RAB32: variants seen among roughly 807,000 people sequenced by gnomAD.
RAB32 encodes RAB32, member RAS oncogene family, also known as ras-related protein Rab-32.
In RAB32, 17 loss-of-function variants were observed where a neutral mutation model predicts 17.5. That is an observed-to-expected ratio of 0.97 (90% CI 0.67 to 1.46). The LOEUF is 1.46. Among genes scored for constraint, RAB32 ranks in the 40% most tolerant of loss-of-function variants. RAB32 has a pLI of 0.00. For missense variants in RAB32, 288 were observed against 284.3 expected, an observed-to-expected ratio of 1.01 and a Z score of -0.09; for synonymous variants, 115 against 111.1, an observed-to-expected ratio of 1.04 and a Z score of -0.22.
intron 1 of RAB32, among the ~76,000 whole-genome samples, chr6:146,547,206 C>T (rs913923742): frequency 6.6e-6 from 1 of 152,070 alleles, no homozygotes; most frequent in Non-Finnish European, 1.5e-5. Context: ...CCTTTTAATG[C>T]TCAGTGTAGG....
In RAB32 at chr6:146,543,984, A is replaced by G. The variant is rs765113474; in HGVS notation, c.113A>G (p.Lys38Arg). ...VLVIGELGVGKTSIIKRYVHQ... is the reference protein window; with the variant it reads ...VLVIGELGVGRTSIIKRYVHQ... ...GTGATCGGCGAGCTTGGCGTGGGCA[A>G]GACCAGCATCATCAAGCGCTACGTC... is the stretch of plus-strand genomic sequence containing the variant. The change falls in exon 1 of 3, where the codon AAG becomes AGG. Residue 38 changes from lysine to arginine, a missense_variant. Coordinates refer to ENST00000367495, the MANE Select transcript of RAB32 (RefSeq NM_006834.5). The G allele has an allele frequency of 1.9e-6, 3 of 1,613,668 alleles. No homozygotes were observed. The highest frequency in any genetic ancestry group is 1.7e-6 in the Non-Finnish European group (2 of 1,179,860).
intron 1 of RAB32, among the ~76,000 whole-genome samples, chr6:146,545,230 T>C (rs1382201628): frequency 6.6e-6 from 1 of 151,426 alleles, no homozygotes; most frequent in Non-Finnish European, 1.5e-5. Flanking sequence ...GTGTTCTCAC[T>C]GCTGTACTCC....
chr6:146,543,844 C>G lies in RAB32; in HGVS notation c.-28C>G, dbSNP rs1779781824. 1 of 1,342,292 alleles carries G rather than the reference C, an allele frequency of 7.4e-7. No individual in the cohort carries two copies. The highest frequency in any genetic ancestry group is 9.6e-7 in the Non-Finnish European group (1 of 1,045,092). 83.1% of individuals were successfully genotyped at this position (1,342,292 alleles called of 1,614,324 possible). A position where few individuals can be genotyped will look rare whatever the true frequency, so the allele number is the denominator to read the frequency against. ...CCGGGCAGGGGGCCAGACTCGGAGT[C>G]GAGGCGCGCCCGACAGCCGCAGCGC... On this transcript the variant is annotated 5_prime_UTR_variant, in exon 1 of 3. Transcript: ENST00000367495.
chr6:146,553,545 G>A (rs1779922715), intron 2 of RAB32, among the ~76,000 whole-genome samples: 2 of 152,142 alleles, frequency 1.3e-5, no homozygotes, highest in Non-Finnish European at 2.9e-5. Context: ...CAAGGAGAGT[G>A]AGGAACTGTT....
chr6:146,544,256 G>A lies in RAB32; in HGVS notation c.250+135G>A, dbSNP rs192303779. On this transcript the variant is annotated intron_variant, in intron 1 of 2. Transcript: ENST00000367495. ...AGGAGAAGAGAGAGGCCCAATCCAA[G>A]GGCGAGATGCGATGGACGCGGTCGG... 1.6e-4 allele frequency: 201 copies of A among 1,220,184 alleles called. No individual in the cohort carries two copies. The East Asian group carries it at 5.5e-3, about 34-fold the overall frequency. The allele number at this position is 1,220,184 out of a possible 1,614,324, so 75.6% of individuals were successfully genotyped here.
chr6:146,551,885 G>A (rs889764168), intron 2 of RAB32, among the ~76,000 whole-genome samples: 9 of 152,168 alleles, frequency 5.9e-5, no homozygotes, highest in South Asian at 2.1e-4. Flanking sequence ...TATAATAGAA[G>A]CAGCTTCTGT....
intron 2 of RAB32, among the ~76,000 whole-genome samples, chr6:146,553,859 A>G (rs1779926022): frequency 6.6e-6 from 1 of 152,206 alleles, no homozygotes; most frequent in African/African-American, 2.4e-5. Flanking sequence ...GCAATGTGTT[A>G]CCTACTGTAT....
chr6:146,544,223 G>A (rs1254971022), intron 1 of RAB32, 102 bp downstream of exon 1: 2 of 1,411,940 alleles, frequency 1.4e-6, no homozygotes, highest in South Asian at 2.9e-5. Context: ...GTCTGCCTGG[G>A]TACCTTTAGG....
At position 146,547,570 on chromosome 6, in the gene RAB32, A is replaced by C. The variant is rs557757092; in HGVS notation, c.251-1894A>C. Among the ~76,000 whole-genome samples, 7 of 152,190 alleles carry C rather than the reference A, an allele frequency of 4.6e-5. 1 individual carries two copies. The South Asian group carries it at 1.5e-3, about 32-fold the overall frequency. On this transcript the variant is annotated intron_variant, in intron 1 of 2. Transcript: ENST00000367495. ...TTTACATTGTTTTGATTCCCATCCA[A>C]AATAGAATGTGGATCCTGATTGCCT...
intron 2 of RAB32, among the ~76,000 whole-genome samples, chr6:146,551,848 C>G (rs1779902496): frequency 6.6e-6 from 1 of 152,176 alleles, no homozygotes. Context: ...GTACAAGTTT[C>G]AAGTTTGCTC....
intron 1 of RAB32, 77 bp from the exon 2 acceptor site, chr6:146,549,387 G>A (rs967106689): frequency 3.4e-6 from 4 of 1,183,736 alleles, no homozygotes; most frequent in Non-Finnish European, 4.8e-6. Context: ...GTTGCTCTTG[G>A]GGTAAAAGGG....
chr6:146,549,084 C>T (rs577781259), intron 1 of RAB32, among the ~76,000 whole-genome samples: 2 of 152,328 alleles, frequency 1.3e-5, no homozygotes, highest in East Asian at 3.9e-4. Context: ...CTGCAGGCTT[C>T]ATTTCTTCTA....
rs142730592 is a variant in RAB32, at chr6:146,547,582, G to T, written c.251-1882G>T. On this transcript the variant is annotated intron_variant, in intron 1 of 2. Coordinates refer to ENST00000367495, the MANE Select transcript of RAB32 (RefSeq NM_006834.5). ...TGATTCCCATCCAAAATAGAATGTGGATCCTGATTGCCTTGCTGCATCTTA... is the reference window on the plus strand; with the variant it reads ...TGATTCCCATCCAAAATAGAATGTGTATCCTGATTGCCTTGCTGCATCTTA... Among the ~76,000 whole-genome samples, 57 of 151,976 alleles carry T rather than the reference G, an allele frequency of 3.8e-4. 1 individual carries two copies. The East Asian group carries it at 0.01, about 27-fold the overall frequency.
At chr6:146,552,587 TATATG>T (rs1378674488) in intron 2 of RAB32, among the ~76,000 whole-genome samples, 1 of 152,250 alleles carries the variant, frequency 6.6e-6, no homozygotes, top group African/African-American at 2.4e-5. Flanking sequence ...TGTGTATAGA[TATATG>T]TATGTACACA....
At chr6:146,544,181 G>C in intron 1 of RAB32, 60 bp downstream of exon 1, 1 of 1,512,804 alleles carries the variant, frequency 6.6e-7, no homozygotes, top group South Asian at 1.3e-5. Context: ...GCTCCTCTCT[G>C]CTTCTTTTCT....
At chr6:146,553,730 T>G (rs1258642961) in intron 2 of RAB32, among the ~76,000 whole-genome samples, 1 of 152,216 alleles carries the variant, frequency 6.6e-6, no homozygotes, top group Non-Finnish European at 1.5e-5. Flanking sequence ...TCTAAGATGT[T>G]AACATTTGAG....
intron 2 of RAB32, among the ~76,000 whole-genome samples, chr6:146,550,461 A>G (rs1184505222): frequency 1.3e-5 from 2 of 151,976 alleles, no homozygotes; most frequent in African/African-American, 4.8e-5. Context: ...GTTCGAGACC[A>G]GCCTGGGCAA....
rs199899656 is a variant in RAB32 at position 146,549,710 on chromosome 6, G to A, written c.497G>A (p.Gly166Asp). ...GTGGACCAATTCTGCAAAGAACATG[G>A]CTTTGCCGGATGGTTTGAAACCTCT... ...SQVDQFCKEHGFAGWFETSAK... is the reference protein window; with the variant it reads ...SQVDQFCKEHDFAGWFETSAK... The change falls in exon 2 of 3, where the codon GGC (glycine) becomes GAC (aspartate). Residue 166 changes from glycine (G) to aspartate (D), a missense_variant. Coordinates refer to ENST00000367495, the MANE Select transcript of RAB32 (RefSeq NM_006834.5). The A allele has an allele frequency of 9.3e-6, 15 of 1,614,158 alleles. No homozygotes were observed. Among genetic ancestry groups the A allele is most frequent in the East Asian group, 6.7e-5 (3 of 44,878 alleles).
In RAB32 at chr6:146,543,910, G is replaced by C. The variant is rs779023510; in HGVS notation, c.39G>C (p.Ala13=). ...GAGCCGGGGACCCCGGCCTGGGGGC[G>C]GCCGCCGCCCCAGCGCCCGAGACCC... ...GGGAGDPGLG[A]AAAPAPETRE... The change falls in exon 1 of 3, where the codon GCG becomes GCC. Residue 13 remains alanine, a synonymous_variant. Coordinates refer to ENST00000367495, the MANE Select transcript of RAB32 (RefSeq NM_006834.5). 2 of 1,590,314 alleles carry C rather than the reference G, an allele frequency of 1.3e-6. No homozygotes were observed. Among genetic ancestry groups the C allele is most frequent in the East Asian group, 2.4e-5 (1 of 42,282 alleles).
Sources: gnomAD v4.1 joint callset for allele counts (sites outside exome capture counted in the v4.1 genomes callset) on GRCh38, gnomAD v4.1.1 for gene constraint, MANE v1.5 for transcripts, NCBI Gene and HGNC (gene_info 2026-07-23, HGNC 2026-07-21) for gene names.